PELP1: variants seen among roughly 807,000 people sequenced by gnomAD.
PELP1 encodes the protein proline, glutamate and leucine rich protein 1.
Under a neutral mutation model 95.5 loss-of-function variants are expected in PELP1, and 32 were observed. The ratio of observed to expected loss-of-function variants is 0.34; its 90% CI spans 0.25 to 0.45. PELP1 has a LOEUF of 0.45. Among genes scored for constraint, PELP1 ranks in the 20% least tolerant of loss-of-function variants. The pLI, the probability that PELP1 is intolerant of heterozygous loss-of-function variation, is 1.00. For synonymous variants in PELP1, 668 were observed against 600.1 expected (o/e 1.11, Z -1.65); for missense variants, 1,358 against 1,444.8 (o/e 0.94, Z 0.97).
intron 1 of PELP1, among the ~76,000 whole-genome samples, chr17:4,699,196 G>A (rs576687932): frequency 5.3e-5 from 8 of 152,060 alleles, no homozygotes; most frequent in Admixed American, 2.6e-4. Context: ...TGGCTAACAC[G>A]GTGAAACCCC....
chr17:4,671,347 C>T lies in PELP1; in HGVS notation c.*92G>A, dbSNP rs1200057770. The T allele has an allele frequency of 5.8e-5, 44 of 753,116 alleles. No individual in the cohort carries two copies. Among genetic ancestry groups the T allele is most frequent in the Non-Finnish European group, 1.1e-4 (44 of 418,334 alleles). 46.7% of individuals were successfully genotyped at this position (753,116 alleles called of 1,614,324 possible). A position where few individuals can be genotyped will look rare whatever the true frequency, so the allele number is the denominator to read the frequency against. On this transcript the variant is annotated 3_prime_UTR_variant, in exon 17 of 17. Coordinates refer to ENST00000572293, the MANE Select transcript of PELP1 (RefSeq NM_014389.3). The stretch of plus-strand genomic sequence containing the variant: ...GCCCAGCAGACACTTGAGCTTCTGG[C>T]TGGGGACCCAGGTGTGGCAAAAGGC...
At chr17:4,685,800 A>AAAAAAAGG (rs1294969832) in intron 3 of PELP1, among the ~76,000 whole-genome samples, 3 of 19,906 alleles carry the variant, frequency 1.5e-4, no homozygotes, top group African/African-American at 2.9e-4. Context: ...CTTAAAAAAA[A>AAAAAAAGG]AAGAACAAAA....
chr17:4,691,291 G>A, intron 2 of PELP1, 87 bp downstream of exon 2: 1 of 948,070 alleles, frequency 1.1e-6, no homozygotes, highest in Non-Finnish European at 1.7e-6. Flanking sequence ...TGAATCCTGG[G>A]GACGGTGACA....
At position 4,672,852 on chromosome 17, in the gene PELP1, GA is replaced by G; in HGVS notation, c.2138del (p.Val713AlafsTer4). The G allele has an allele frequency of 6.2e-7, 1 of 1,613,920 alleles. No individual in the cohort carries two copies. Among genetic ancestry groups the G allele is most frequent in the Non-Finnish European group, 8.5e-7 (1 of 1,179,828 alleles). ...PTTANHLGLS[V>X]PGLVSVPPRL... ...GGGGAGGGACAGACACTAGGCCTGG[GA>G]CAGAAAGGCCTAGGTGGTTGGCTGT... On this transcript the variant is annotated frameshift_variant, in exon 16 of 17. Transcript: ENST00000572293. LOFTEE classifies it high-confidence loss of function.
chr17:4,697,621 C>T (rs1468754902), intron 1 of PELP1, among the ~76,000 whole-genome samples: 1 of 152,108 alleles, frequency 6.6e-6, no homozygotes, highest in Non-Finnish European at 1.5e-5. Flanking sequence ...CAAATGGTAG[C>T]GATAAGTCAA....
At chr17:4,692,362 G>A (rs1378227651) in intron 1 of PELP1, among the ~76,000 whole-genome samples, 1 of 151,918 alleles carries the variant, frequency 6.6e-6, no homozygotes, top group African/African-American at 2.4e-5. Flanking sequence ...AGCTACTCGG[G>A]AGGCTGAGGC....
chr17:4,671,191 C>G lies in PELP1; in HGVS notation c.*248G>C. The G allele has an allele frequency of 1.8e-6, 1 of 545,612 alleles. No homozygotes were observed. The highest frequency in any genetic ancestry group is 3.3e-6 in the Non-Finnish European group (1 of 306,250). The allele number at this position is 545,612 out of a possible 1,614,324, so 33.8% of individuals were successfully genotyped here. On this transcript the variant is annotated 3_prime_UTR_variant, in exon 17 of 17. Transcript: ENST00000572293. ...TGCACGTTTAGCATCCAGCCAGAAT[C>G]CTACAATTCTGACACCATCGTGCTG...
chr17:4,675,612 G>T lies in PELP1; in HGVS notation c.1068+185C>A. On this transcript the variant is annotated intron_variant, in intron 9 of 16. Coordinates refer to ENST00000572293, the MANE Select transcript of PELP1 (RefSeq NM_014389.3). The surrounding 1 kb of genome is among the most constrained non-coding windows in gnomAD (Gnocchi z 4.3). ...TTCACCCTCCCCCAAGGAAGCATTT[G>T]CTACACTCTGACACTGTGCTCCTGT... 1 of 714,060 alleles carries T rather than the reference G, an allele frequency of 1.4e-6. No individual in the cohort carries two copies. The highest frequency in any genetic ancestry group is 2.6e-6 in the Non-Finnish European group (1 of 390,464). 44.2% of individuals were successfully genotyped at this position (714,060 alleles called of 1,614,324 possible). A position where few individuals can be genotyped will look rare whatever the true frequency, so the allele number is the denominator to read the frequency against.
At chr17:4,700,411 G>A (rs965504134) in intron 1 of PELP1, among the ~76,000 whole-genome samples, 2 of 151,998 alleles carry the variant, frequency 1.3e-5, no homozygotes, top group Non-Finnish European at 2.9e-5. Flanking sequence ...TTGGGAGGTC[G>A]AGTGGGGAGG....
In PELP1 at chr17:4,682,590, G is replaced by C; in HGVS notation, c.571-17C>G. 1 of 1,602,194 alleles carries C rather than the reference G, an allele frequency of 6.2e-7. No homozygotes were observed. Among genetic ancestry groups the C allele is most frequent in the Admixed American group, 1.7e-5 (1 of 59,986 alleles). ...CTGCTCACACTGTAGGAAAAACAAAGGGAGAAACGAGAGGCTGCGAGCACC... is the reference window on the plus strand; with the variant it reads ...CTGCTCACACTGTAGGAAAAACAAACGGAGAAACGAGAGGCTGCGAGCACC... On this transcript the variant is annotated splice_polypyrimidine_tract_variant and intron_variant, in intron 4 of 16. Coordinates refer to ENST00000572293, the MANE Select transcript of PELP1 (RefSeq NM_014389.3).
chr17:4,704,052 C>G lies in PELP1; in HGVS notation c.60G>C (p.Gly20=), dbSNP rs1913672966. 10 of 1,612,528 alleles carry G rather than the reference C, an allele frequency of 6.2e-6. No homozygotes were observed. The highest frequency in any genetic ancestry group is 1.7e-4 in the Middle Eastern group (1 of 6,058). ...AGCTCACTGCCGAGAGACCCCCGGT[C>G]CCGCCAGGAACCCCAGCCGCGGAGC... ...SAGSAAGVPG[G]TGGLSAVSSG... Residue 20 remains glycine, a synonymous_variant, in exon 1 of 17, where the codon GGG becomes GGC. Coordinates refer to ENST00000572293, the MANE Select transcript of PELP1 (RefSeq NM_014389.3).
intron 1 of PELP1, among the ~76,000 whole-genome samples, chr17:4,701,071 G>A (rs1913510458): frequency 6.8e-6 from 1 of 147,878 alleles, no homozygotes; most frequent in Non-Finnish European, 1.5e-5. Flanking sequence ...TTAAATTTGA[G>A]TGATGGGGGC....
rs542354463 is a variant in PELP1, at chr17:4,682,576, G to A, written c.571-3C>T. On this transcript the variant is annotated splice_region_variant and splice_polypyrimidine_tract_variant and intron_variant, in intron 4 of 16. Transcript: ENST00000572293. ...CCTTCCAATGCTGACTGCTCACACT[G>A]TAGGAAAAACAAAGGGAGAAACGAG... 4.2e-5 allele frequency: 67 copies of A among 1,610,726 alleles called. No individual in the cohort carries two copies. The South Asian group carries it at 6.9e-4, about 17-fold the overall frequency.
chr17:4,694,728 T>TC (rs2150564623), intron 1 of PELP1, among the ~76,000 whole-genome samples: 1 of 151,698 alleles, frequency 6.6e-6, no homozygotes, highest in South Asian at 2.1e-4. Context: ...ATGCCAGCAC[T>TC]TTGGGGGGCC....
Position 4,672,008 on chromosome 17 carries a change from C to A in PELP1, c.2983G>T (p.Val995Leu). 6.4e-7 allele frequency: 1 copy of A among 1,571,828 alleles called. No individual in the cohort carries two copies. The highest frequency in any genetic ancestry group is 1.8e-5 in the Admixed American group (1 of 54,330). ...ALPPPESPPK[V>L]QPEPEPEPGL... ...GGTTCAGGTTCGGGTTCTGGCTGCA[C>A]CTTTGGGGGAGACTCAGGGGGAGGC... The change falls in exon 16 of 17, where the codon GTG becomes TTG. Residue 995 changes from valine to leucine, a missense_variant. By Grantham distance (32) the Val-to-Leu change is conservative. Transcript: ENST00000572293.
At position 4,673,236 on chromosome 17, in the gene PELP1, C is replaced by T; in HGVS notation, c.1845+14G>A. On this transcript the variant is annotated intron_variant, in intron 15 of 16. Transcript: ENST00000572293. The surrounding 1 kb of genome is among the most constrained non-coding windows in gnomAD (Gnocchi z 5.7). ...CTCCAGGAACCAAAGAGGGGCTTGG[C>T]CCATCACAGTTACCTCAAGGCTATC... 6.4e-7 allele frequency: 1 copy of T among 1,559,386 alleles called. No individual in the cohort carries two copies. Among genetic ancestry groups the T allele is most frequent in the Non-Finnish European group, 8.7e-7 (1 of 1,150,180 alleles).
At position 4,670,156 on chromosome 17, in the gene PELP1, T is replaced by C. The variant is rs1469709736; in HGVS notation, c.*1283A>G. The C allele has an allele frequency of 6.6e-6, 1 of 152,194 alleles. No homozygotes were observed. Among genetic ancestry groups the C allele is most frequent in the Non-Finnish European group, 1.5e-5 (1 of 68,042 alleles). 9.4% of individuals were successfully genotyped at this position (152,194 alleles called of 1,614,324 possible). On this transcript the variant is annotated 3_prime_UTR_variant, in exon 17 of 17. Coordinates refer to ENST00000572293, the MANE Select transcript of PELP1 (RefSeq NM_014389.3). ...TTTATTTCGAAAACAAGTTGAGGGG[T>C]AACTTTTTAAAATCCTACTGAAGTT...
rs1403030552 is a variant in PELP1 at position 4,672,744 on chromosome 17, A to G, written c.2247T>C (p.Thr749=). Residue 749 remains threonine (T), a synonymous_variant, in exon 16 of 17, where the codon ACT becomes ACC. Transcript: ENST00000572293. ...ILAPSGTPPP[T]IPPDETFGGR... ...CCCCAAAAGTTTCATCTGGGGGTAT[A>G]GTAGGTGGGGGAGTCCCACTAGGGG... The G allele has an allele frequency of 1.2e-6, 2 of 1,613,492 alleles. No individual in the cohort carries two copies. Among genetic ancestry groups the G allele is most frequent in the South Asian group, 1.1e-5 (1 of 90,996 alleles).
chr17:4,681,568 A>G (rs890272322), intron 5 of PELP1, among the ~76,000 whole-genome samples: 1 of 151,832 alleles, frequency 6.6e-6, no homozygotes, highest in Non-Finnish European at 1.5e-5. Flanking sequence ...TTGGGAGGTC[A>G]AGGCGGGCGG....
Sources: gnomAD v4.1 joint callset for allele counts (sites outside exome capture counted in the v4.1 genomes callset) on GRCh38, gnomAD v4.1.1 for gene constraint, Gnocchi (gnomAD v3.1) non-coding constraint, MANE v1.5 for transcripts, NCBI Gene and HGNC (gene_info 2026-07-23, HGNC 2026-07-21) for gene names.